Variants in HIPK2 observed in about 807,000 individuals in gnomAD.
HIPK2 encodes the protein homeodomain interacting protein kinase 2.
A neutral mutation model predicts 113.7 loss-of-function variants in HIPK2; 27 were observed. The observed-to-expected ratio is 0.24, with a 90% CI of 0.17 to 0.33. The LOEUF is 0.33. Ranked by LOEUF, HIPK2 falls within the 10% of genes least tolerant of loss-of-function variation. The pLI is 1.00. For missense variants in HIPK2, 1,257 were observed against 1,588.0 expected (o/e 0.79, Z 3.54); for synonymous variants, 631 against 642.2 (o/e 0.98, Z 0.26).
chr7:139,605,235 GGTGTGTGTGTGTGT>G (rs34675356), intron 9 of HIPK2, among the ~76,000 whole-genome samples: 2 of 147,560 alleles, frequency 1.4e-5, no homozygotes, highest in Admixed American at 1.4e-4. Context: ...TAGATTCACT[GGTGTGTGTGTGTGT>G]GTGTGTGTGT....
intron 1 of HIPK2, among the ~76,000 whole-genome samples, chr7:139,726,422 T>C (rs1795576340): frequency 6.6e-6 from 1 of 152,242 alleles, no homozygotes; most frequent in Middle Eastern, 3.4e-3. Flanking sequence ...TAGAACACAT[T>C]TGGGGTGCCA....
At position 139,575,412 on chromosome 7, in the gene HIPK2, A is replaced by G. The variant is rs1798457046; in HGVS notation, c.2966-124T>C. The G allele has an allele frequency of 2.7e-6, 3 of 1,109,738 alleles. No homozygotes were observed. The Admixed American group carries it at 8.0e-5, about 30-fold the overall frequency. 68.7% of individuals were successfully genotyped at this position (1,109,738 alleles called of 1,614,324 possible). A position where few individuals can be genotyped will look rare whatever the true frequency, so the allele number is the denominator to read the frequency against. On this transcript the variant is annotated intron_variant, in intron 13 of 14. Transcript: ENST00000406875. The stretch of plus-strand genomic sequence containing the variant: ...TGTGCCTGAGGCCGGGCAGTAACAA[A>G]TCAGCCTCATCTCCCCCGGACCCAC...
chr7:139,758,327 G>A (rs1168310745), intron 1 of HIPK2, among the ~76,000 whole-genome samples: 1 of 152,158 alleles, frequency 6.6e-6, no homozygotes, highest in African/African-American at 2.4e-5. Flanking sequence ...CAGACCTATA[G>A]GAACTTAGTA....
chr7:139,722,155 AATTT>A (rs1479375229), intron 1 of HIPK2: 3 of 203,820 alleles, frequency 1.5e-5, no homozygotes, highest in Admixed American at 5.7e-5. Flanking sequence ...CTGAAGAACA[AATTT>A]ATTAAAATTT....
At chr7:139,593,821 T>C (rs1208397127) in intron 12 of HIPK2, among the ~76,000 whole-genome samples, 2 of 151,878 alleles carry the variant, frequency 1.3e-5, no homozygotes, top group African/African-American at 4.8e-5. Context: ...GGAGGGAAGG[T>C]CTCCATCGCT....
At chr7:139,741,788 C>T (rs1036668568) in intron 1 of HIPK2, among the ~76,000 whole-genome samples, 8 of 152,188 alleles carry the variant, frequency 5.3e-5, no homozygotes, top group African/African-American at 1.9e-4. Context: ...CCACCATTCA[C>T]GTTTTGTTGT....
At chr7:139,746,970 G>T (rs528377053) in intron 1 of HIPK2, among the ~76,000 whole-genome samples, 1 of 152,200 alleles carries the variant, frequency 6.6e-6, no homozygotes, top group East Asian at 1.9e-4. Flanking sequence ...TGATAACTAA[G>T]TAGAGCTAGA....
chr7:139,603,145 C>T (rs1456325893), intron 10 of HIPK2, among the ~76,000 whole-genome samples: 6 of 152,050 alleles, frequency 3.9e-5, no homozygotes, highest in East Asian at 1.9e-4. Context: ...CTTCTTTTCT[C>T]GGAGAGATCT....
chr7:139,663,628 C>T (rs190093138), intron 2 of HIPK2, among the ~76,000 whole-genome samples: 88 of 152,300 alleles, frequency 5.8e-4, no homozygotes, highest in Middle Eastern at 6.8e-3. Flanking sequence ...TATTCATCTA[C>T]GTTAGGGATC....
chr7:139,733,188 T>C (rs942788473), intron 1 of HIPK2, among the ~76,000 whole-genome samples: 2 of 152,202 alleles, frequency 1.3e-5, no homozygotes, highest in Non-Finnish European at 2.9e-5. Flanking sequence ...ATGCTTCTTG[T>C]ACAGCCTGCA....
At chr7:139,638,946 A>G (rs1034856577) in intron 2 of HIPK2, among the ~76,000 whole-genome samples, 1 of 152,122 alleles carries the variant, frequency 6.6e-6, no homozygotes, top group Non-Finnish European at 1.5e-5. Context: ...GTGAGCCACC[A>G]CGCCCAGCCA....
chr7:139,613,244 T>C lies in HIPK2; in HGVS notation c.2070A>G (p.Pro690=). Residue 690 remains proline (P), a synonymous_variant, in exon 9 of 15, where the codon CCA becomes CCG. Coordinates refer to ENST00000406875, the MANE Select transcript of HIPK2 (RefSeq NM_022740.5). This position sits in a 1 kb window ranked among gnomAD's most constrained non-coding sequence, Gnocchi z 4.2. ...GTTGGATCTGAAGAGGCTGAGCTCC[T>C]GGGGCTTGAGTGACGATGGGAACTG... ...ENAVPIVTQA[P]GAQPLQIQPG... The C allele has an allele frequency of 6.2e-7, 1 of 1,613,878 alleles. No individual in the cohort carries two copies. The highest frequency in any genetic ancestry group is 8.5e-7 in the Non-Finnish European group (1 of 1,179,840).
At chr7:139,607,860 T>G (rs1799673859) in intron 9 of HIPK2, among the ~76,000 whole-genome samples, 1 of 151,242 alleles carries the variant, frequency 6.6e-6, no homozygotes, top group African/African-American at 2.4e-5. Context: ...ATACCTAAAA[T>G]GGAAAAAAAA....
chr7:139,704,361 C>A (rs1324698730), intron 2 of HIPK2, among the ~76,000 whole-genome samples: 22 of 140,292 alleles, frequency 1.6e-4, no homozygotes, highest in Non-Finnish European at 2.2e-4. Flanking sequence ...ACACACTATA[C>A]CCAACATACA....
At chr7:139,659,662 T>C (rs1801799971) in intron 2 of HIPK2, among the ~76,000 whole-genome samples, 1 of 152,224 alleles carries the variant, frequency 6.6e-6, no homozygotes, top group Non-Finnish European at 1.5e-5. Flanking sequence ...TGCCTTGGCC[T>C]ATGCCTATGC....
chr7:139,728,068 T>C (rs929925134), intron 1 of HIPK2, among the ~76,000 whole-genome samples: 4 of 151,438 alleles, frequency 2.6e-5, no homozygotes, highest in African/African-American at 4.9e-5. Flanking sequence ...GTCTCCCAAG[T>C]AGCTGGGATT....
intron 2 of HIPK2, among the ~76,000 whole-genome samples, chr7:139,677,655 T>A (rs939484587): frequency 6.6e-6 from 1 of 152,224 alleles, no homozygotes; most frequent in South Asian, 2.1e-4. Flanking sequence ...ATACATGTGC[T>A]ATGATGGTTT....
Position 139,777,749 on chromosome 7 carries a change from C to G in HIPK2, c.-126G>C. The stretch of plus-strand genomic sequence containing the variant: ...GTCTCCGCTCTCGGCGCAGCCGAGG[C>G]CGCCCGCGCCCGCATCACCGCCTCC... On this transcript the variant is annotated 5_prime_UTR_variant, in exon 1 of 15. Transcript: ENST00000406875. The G allele has an allele frequency of 1.1e-6, 1 of 889,524 alleles. No homozygotes were observed. Among genetic ancestry groups the G allele is most frequent in the South Asian group, 5.0e-5 (1 of 19,874 alleles). The allele number at this position is 889,524 out of a possible 1,614,324, so 55.1% of individuals were successfully genotyped here.
rs1166409323 is a variant in HIPK2 at position 139,573,136 on chromosome 7, T to C, written c.3388A>G (p.Thr1130Ala). ...LVASQGSARH[T>A]VQHTAYPASI... The stretch of plus-strand genomic sequence containing the variant: ...GCTGGGTAGGCAGTGTGCTGCACGG[T>C]GTGGCGCGCAGAGCCTTGCGAGGCC... The change falls in exon 15 of 15, where the codon ACC becomes GCC. Residue 1130 changes from threonine to alanine, a missense_variant. Thr to Ala is a moderately conservative substitution (Grantham distance 58). This residue lies in a region of HIPK2 where 862 missense variants were observed against 1,004.3 expected (regional missense o/e 0.86). Coordinates refer to ENST00000406875, the MANE Select transcript of HIPK2 (RefSeq NM_022740.5). 5 of 1,611,376 alleles carry C rather than the reference T, an allele frequency of 3.1e-6. No homozygotes were observed. The highest frequency in any genetic ancestry group is 1.3e-5 in the African/African-American group (1 of 74,952).
Sources: allele counts gnomAD v4.1 joint callset (sites outside exome capture counted in the v4.1 genomes callset), GRCh38; gene constraint gnomAD v4.1.1; regional missense constraint gnomAD v4.1.1; non-coding constraint Gnocchi (gnomAD v3.1); transcripts MANE v1.5; gene names NCBI Gene and HGNC (gene_info 2026-07-23, HGNC 2026-07-21).